The following AOAH variants were observed in gnomAD, a reference collection of about 807,000 sequenced individuals.
AOAH encodes the protein acyloxyacyl hydrolase (neutrophil).
A neutral mutation model predicts 92.2 loss-of-function variants in AOAH; 64 were observed. The observed-to-expected ratio is 0.69, with a 90% CI of 0.57 to 0.86. The LOEUF (loss-of-function observed/expected upper bound fraction) is 0.86. Among genes scored for constraint, AOAH ranks in the 40% least tolerant of loss-of-function variants. AOAH has a pLI of 0.00. For missense variants in AOAH, 656 were observed against 694.6 expected (o/e 0.94, Z 0.62); for synonymous variants, 263 against 254.5 (o/e 1.03, Z -0.32).
At chr7:36,705,154 C>T (rs1162225882) in intron 1 of AOAH, among the ~76,000 whole-genome samples, 1 of 151,934 alleles carries the variant, frequency 6.6e-6, no homozygotes, top group Non-Finnish European at 1.5e-5. Context: ...TGCAATCAGG[C>T]AAGAGAAATA....
chr7:36,543,581 AT>A (rs10713670), intron 15 of AOAH, among the ~76,000 whole-genome samples: 14,476 of 151,010 alleles, frequency 0.096, 763 homozygotes, highest in East Asian at 0.16. Flanking sequence ...ACACTGAATA[AT>A]TTTTTTTTTC....
intron 11 of AOAH, among the ~76,000 whole-genome samples, chr7:36,610,087 T>G (rs17170646): frequency 0.086 from 12,984 of 150,218 alleles, 667 homozygotes; most frequent in Middle Eastern, 0.17. Context: ...AGATAATAGT[T>G]TTTAAAAATT....
intron 13 of AOAH, among the ~76,000 whole-genome samples, chr7:36,554,345 C>G (rs2116382548): frequency 6.6e-6 from 1 of 152,282 alleles, no homozygotes; most frequent in East Asian, 1.9e-4. Context: ...TGATCTATAT[C>G]TCTGTTTTGG....
chr7:36,569,991 AT>A (rs1389719581), intron 13 of AOAH, among the ~76,000 whole-genome samples: 2 of 151,818 alleles, frequency 1.3e-5, no homozygotes, highest in African/African-American at 2.4e-5. Flanking sequence ...TCTTTTATCT[AT>A]TTTTTTGTTT....
intron 12 of AOAH, among the ~76,000 whole-genome samples, chr7:36,593,877 A>G (rs868087865): frequency 6.6e-6 from 1 of 152,160 alleles, no homozygotes; most frequent in African/African-American, 2.4e-5. Flanking sequence ...AGGCCTTAAC[A>G]CCCAGGCATA....
chr7:36,599,321 A>G (rs1790374044), intron 11 of AOAH, among the ~76,000 whole-genome samples: 1 of 152,148 alleles, frequency 6.6e-6, no homozygotes, highest in Non-Finnish European at 1.5e-5. Flanking sequence ...TGTGTGGGAG[A>G]AAGAGAGTAA....
intron 1 of AOAH, among the ~76,000 whole-genome samples, chr7:36,694,593 T>G (rs1797596431): frequency 6.6e-6 from 1 of 152,224 alleles, no homozygotes; most frequent in South Asian, 2.1e-4. Flanking sequence ...TCCTTTATCT[T>G]AAGGTGTGCT....
At chr7:36,653,375 G>A (rs1001376410) in intron 4 of AOAH, among the ~76,000 whole-genome samples, 3 of 152,182 alleles carry the variant, frequency 2.0e-5, no homozygotes, top group African/African-American at 4.8e-5. Context: ...AAAAATAAAA[G>A]TGAATTCCTG....
intron 13 of AOAH, among the ~76,000 whole-genome samples, chr7:36,569,493 CT>C (rs1302880008): frequency 2.6e-5 from 4 of 151,630 alleles, no homozygotes; most frequent in Non-Finnish European, 4.4e-5. Context: ...ATCTATCTAT[CT>C]ATCTATCTAT....
At chr7:36,540,283 T>C in intron 16 of AOAH, 36 bp downstream of exon 16, 1 of 1,548,490 alleles carries the variant, frequency 6.5e-7, no homozygotes, top group South Asian at 1.2e-5. Context: ...TATACATTGA[T>C]GTTATTAAAG....
At chr7:36,635,801 A>AACTT (rs1291772224) in intron 5 of AOAH, among the ~76,000 whole-genome samples, 2 of 152,166 alleles carry the variant, frequency 1.3e-5, no homozygotes, top group African/African-American at 4.8e-5. Context: ...GTGAGCACAT[A>AACTT]ACTTAACCTA....
chr7:36,546,250 G>C (rs746486004), intron 15 of AOAH, among the ~76,000 whole-genome samples: 1 of 152,186 alleles, frequency 6.6e-6, no homozygotes, highest in East Asian at 1.9e-4. Context: ...AAAGAAAAAC[G>C]TCAAGCAAAT....
At chr7:36,665,232 T>C (rs1172341183) in intron 3 of AOAH, among the ~76,000 whole-genome samples, 4 of 152,218 alleles carry the variant, frequency 2.6e-5, no homozygotes, top group African/African-American at 9.6e-5. Context: ...GTGTTGTAGT[T>C]TTCCTCATAT....
intron 12 of AOAH, among the ~76,000 whole-genome samples, chr7:36,577,024 CTTTTTTT>C (rs565396541): frequency 3.8e-5 from 5 of 131,438 alleles, no homozygotes; most frequent in African/African-American, 1.4e-4. Context: ...TGTTGCCTTT[CTTTTTTT>C]TTTTTTTTTT....
chr7:36,513,194 G>T lies in AOAH; in HGVS notation c.*58C>A, dbSNP rs772211321. 25 of 1,613,972 alleles carry T rather than the reference G, an allele frequency of 1.5e-5. No individual in the cohort carries two copies. In the African/African-American group the frequency reaches 3.2e-4, roughly 21 times the overall value. ...GCAGCCCCCATAGGGTTTGTGGAAT[G>T]AGTTTACCCAAGCCTCTGCCTCCCT... On this transcript the variant is annotated 3_prime_UTR_variant, in exon 21 of 21. Coordinates refer to ENST00000617537, the MANE Select transcript of AOAH (RefSeq NM_001637.4).
At chr7:36,689,372 T>C (rs1210144174) in intron 1 of AOAH, among the ~76,000 whole-genome samples, 3 of 152,174 alleles carry the variant, frequency 2.0e-5, no homozygotes, top group Non-Finnish European at 4.4e-5. Context: ...TAGAAATTCA[T>C]TTCTCATAGT....
intron 13 of AOAH, 25 bp downstream of exon 13, chr7:36,576,549 A>G (rs1788510462): frequency 2.9e-6 from 4 of 1,371,910 alleles, no homozygotes; most frequent in Non-Finnish European, 3.0e-6. Flanking sequence ...AACATTGATG[A>G]AGGCTTAAAT....
chr7:36,649,319 T>C (rs1338476923), intron 4 of AOAH, among the ~76,000 whole-genome samples: 1 of 152,202 alleles, frequency 6.6e-6, no homozygotes, highest in Non-Finnish European at 1.5e-5. Flanking sequence ...AGCGGGTTAC[T>C]AGGCCTTCTC....
chr7:36,594,690 TGGGA>T (rs1268597685), intron 11 of AOAH: 1 of 491,124 alleles, frequency 2.0e-6, no homozygotes, highest in Non-Finnish European at 3.7e-6. Flanking sequence ...CTCAAACACT[TGGGA>T]GGGATGCTTC....
Sources: gnomAD v4.1 joint callset for allele counts (sites outside exome capture counted in the v4.1 genomes callset) on GRCh38, gnomAD v4.1.1 for gene constraint, MANE v1.5 for transcripts, NCBI Gene and HGNC (gene_info 2026-07-23, HGNC 2026-07-21) for gene names.